Variants in CNGB3 observed in about 807,000 individuals in gnomAD.
The protein encoded by CNGB3 is cyclic nucleotide gated channel subunit beta 3.
Under a neutral mutation model 92.8 loss-of-function variants are expected in CNGB3, and 86 were observed. The observed-to-expected ratio is 0.93, with a 90% CI of 0.78 to 1.11. CNGB3 has a LOEUF of 1.11. CNGB3 is among the 50% of genes least tolerant of loss of function. CNGB3 has a pLI of 0.00. For missense variants in CNGB3, 1,026 were observed against 956.8 expected, an observed-to-expected ratio of 1.07 and a Z score of -0.95; for synonymous variants, 333 against 332.7, an observed-to-expected ratio of 1.00 and a Z score of -0.01.
At chr8:86,582,388 T>A in intron 15 of CNGB3, among the ~76,000 whole-genome samples, 1 of 100,128 alleles carries the variant, frequency 1.0e-5, no homozygotes. Flanking sequence ...AGGGAGACCC[T>A]ATCTCAAAAA....
chr8:86,713,360 A>G (rs1824785996), intron 3 of CNGB3, among the ~76,000 whole-genome samples: 2 of 152,180 alleles, frequency 1.3e-5, no homozygotes, highest in African/African-American at 2.4e-5. Flanking sequence ...GACCAATTAA[A>G]TCAGTATTGC....
intron 14 of CNGB3, among the ~76,000 whole-genome samples, chr8:86,605,236 T>C (rs191466111): frequency 1.3e-5 from 2 of 152,354 alleles, no homozygotes; most frequent in Admixed American, 1.3e-4. Context: ...ATATGAGTTC[T>C]TACAAGTAAA....
chr8:86,714,385 C>A (rs1380213885), intron 3 of CNGB3, among the ~76,000 whole-genome samples: 12 of 152,158 alleles, frequency 7.9e-5, no homozygotes, highest in Non-Finnish European at 1.5e-4. Context: ...ACCTCTGCCT[C>A]CTAGGTTCAA....
chr8:86,743,308 T>C (rs558397199), intron 1 of CNGB3, among the ~76,000 whole-genome samples, 191 bp downstream of exon 1: 1 of 152,318 alleles, frequency 6.6e-6, no homozygotes, highest in African/African-American at 2.4e-5. Context: ...CTCCTAAACA[T>C]TTATTATTCT....
At position 86,668,021 on chromosome 8, in the gene CNGB3, G is replaced by A. The variant is rs776213332; in HGVS notation, c.641C>T (p.Thr214Ile). The change falls in exon 5 of 18, where the codon ACA (threonine) becomes ATA (isoleucine). Residue 214 changes from threonine to isoleucine, a missense_variant and splice_region_variant. Coordinates refer to ENST00000320005, the MANE Select transcript of CNGB3 (RefSeq NM_019098.5). ...GATAATTCACCCTTTGATAATACCTGTGTATGAATCTATGCTGTTTGGAAG... is the reference window on the plus strand; with the variant it reads ...GATAATTCACCCTTTGATAATACCTATGTATGAATCTATGCTGTTTGGAAG... Reference protein sequence around the residue: ...IKLPNSIDSYTDRLYLLWLLL... With the variant: ...IKLPNSIDSYIDRLYLLWLLL... The A allele has an allele frequency of 1.9e-6, 3 of 1,613,946 alleles. No homozygotes were observed. In the South Asian group the frequency reaches 3.3e-5, roughly 18 times the overall value.
chr8:86,703,940 C>G (rs1005753572), intron 3 of CNGB3: 1 of 152,056 alleles, frequency 6.6e-6, no homozygotes, highest in Admixed American at 6.6e-5. Context: ...ACTAATATTT[C>G]TTATTATTTC....
At chr8:86,686,298 T>C (rs1265044424) in intron 3 of CNGB3, among the ~76,000 whole-genome samples, 1 of 152,024 alleles carries the variant, frequency 6.6e-6, no homozygotes, top group Non-Finnish European at 1.5e-5. Flanking sequence ...ATAAATCATA[T>C]GGGCATGGTT....
In CNGB3 at chr8:86,726,567, T is replaced by A; in HGVS notation, c.302A>T (p.Gln101Leu). ...AAEPTGTVPE[Q>L]KEMDPGKEGP... is the part of the protein sequence containing the mutation. Reference sequence around the variant, plus strand: ...TTCTTTCCCGGGGTCCATTTCCTTCTGCTCTGGCACTGTTCCAGTTGGTTC... The same window carrying A: ...TTCTTTCCCGGGGTCCATTTCCTTCAGCTCTGGCACTGTTCCAGTTGGTTC... The change falls in exon 3 of 18, where the codon CAG (glutamine) becomes CTG (leucine). Residue 101 changes from glutamine to leucine, a missense_variant. Coordinates refer to ENST00000320005, the MANE Select transcript of CNGB3 (RefSeq NM_019098.5). The A allele has an allele frequency of 6.2e-7, 1 of 1,613,962 alleles. No individual in the cohort carries two copies. The highest frequency in any genetic ancestry group is 8.5e-7 in the Non-Finnish European group (1 of 1,179,818).
chr8:86,588,044 G>A (rs1181161117), intron 15 of CNGB3, among the ~76,000 whole-genome samples: 3 of 139,394 alleles, frequency 2.2e-5, no homozygotes, highest in Non-Finnish European at 4.6e-5. Context: ...TCCTTGAAGA[G>A]GTCCTTCACA....
intron 3 of CNGB3, among the ~76,000 whole-genome samples, chr8:86,705,835 T>G (rs915988110): frequency 1.1e-4 from 17 of 152,190 alleles, no homozygotes; most frequent in African/African-American, 4.1e-4. Flanking sequence ...GGAGTTAGTT[T>G]AAATGATGTG....
chr8:86,715,657 A>G (rs368104373), intron 3 of CNGB3, among the ~76,000 whole-genome samples: 19 of 152,228 alleles, frequency 1.2e-4, no homozygotes, highest in African/African-American at 4.1e-4. Context: ...TGAAATCTGA[A>G]TTGCCAGAAA....
At chr8:86,587,967 T>G (rs1002428131) in intron 15 of CNGB3, among the ~76,000 whole-genome samples, 1 of 150,256 alleles carries the variant, frequency 6.7e-6, no homozygotes, top group African/African-American at 2.4e-5. Flanking sequence ...TTCCTACCCA[T>G]GAGCATGGAA....
chr8:86,655,680 G>A (rs1010018143), intron 6 of CNGB3, among the ~76,000 whole-genome samples: 4 of 152,126 alleles, frequency 2.6e-5, no homozygotes, highest in Admixed American at 6.5e-5. Context: ...GACATTCTGA[G>A]CTATGTAAGA....
chr8:86,668,395 A>G (rs879739083), intron 4 of CNGB3, among the ~76,000 whole-genome samples: 1 of 152,058 alleles, frequency 6.6e-6, no homozygotes, highest in Admixed American at 6.5e-5. Context: ...AGATGATGGG[A>G]TGATGGGTGC....
At chr8:86,717,229 T>A (rs1360422419) in intron 3 of CNGB3, among the ~76,000 whole-genome samples, 1 of 152,020 alleles carries the variant, frequency 6.6e-6, no homozygotes, top group Non-Finnish European at 1.5e-5. Flanking sequence ...CAATTACTAC[T>A]AGACCTAAGA....
At chr8:86,664,738 AAAG>A (rs1648365871) in intron 6 of CNGB3, among the ~76,000 whole-genome samples, 1 of 152,172 alleles carries the variant, frequency 6.6e-6, no homozygotes, top group South Asian at 2.1e-4. Context: ...TTTGGCAAGT[AAAG>A]AATAAAAAGA....
chr8:86,626,318 A>C (rs756688593), intron 12 of CNGB3, among the ~76,000 whole-genome samples: 9 of 152,212 alleles, frequency 5.9e-5, no homozygotes, highest in African/African-American at 9.6e-5. Context: ...TGACATACTG[A>C]ATAATTCCAG....
intron 3 of CNGB3, among the ~76,000 whole-genome samples, chr8:86,677,693 A>C (rs1044763460): frequency 1.3e-5 from 2 of 152,206 alleles, no homozygotes; most frequent in Non-Finnish European, 2.9e-5. Context: ...AAATCAGGGA[A>C]GGTAAGAGTT....
intron 10 of CNGB3, among the ~76,000 whole-genome samples, chr8:86,637,489 T>TA (rs1167183447): frequency 6.6e-6 from 1 of 152,064 alleles, no homozygotes; most frequent in Non-Finnish European, 1.5e-5. Flanking sequence ...TCTGTTCCTG[T>TA]AAAAAAATCA....
Sources: allele counts gnomAD v4.1 joint callset (sites outside exome capture counted in the v4.1 genomes callset), GRCh38; gene constraint gnomAD v4.1.1; transcripts MANE v1.5; gene names NCBI Gene and HGNC (gene_info 2026-07-23, HGNC 2026-07-21).